GTF2F2: variants seen among roughly 807,000 people sequenced by gnomAD.
GTF2F2 encodes the protein ATP-dependent helicase GTF2F2.
In GTF2F2, 23 loss-of-function variants were observed where a neutral mutation model predicts 42.2. The observed-to-expected ratio is 0.55, with a 90% CI of 0.39 to 0.77. The LOEUF is 0.77. Among genes scored for constraint, GTF2F2 ranks in the 30% least tolerant of loss-of-function variants. The probability of loss-of-function intolerance (pLI) is 0.00; values close to 1 mark genes in which losing one functional copy is unlikely to be tolerated. For missense variants in GTF2F2, 261 were observed against 287.2 expected (o/e 0.91, Z 0.66); for synonymous variants, 105 against 100.8 (o/e 1.04, Z -0.25).
chr13:45,267,305 C>A lies in GTF2F2; in HGVS notation c.559C>A (p.Leu187Ile). 6.2e-7 allele frequency: 1 copy of A among 1,608,910 alleles called. No homozygotes were observed. Among genetic ancestry groups the A allele is most frequent in the Non-Finnish European group, 8.5e-7 (1 of 1,175,440 alleles). ...RADKQHVLDM[L>I]FSAFEKHQYY... The stretch of plus-strand genomic sequence containing the variant: ...TGATAAACAACATGTTTTAGACATG[C>A]TATTTTCAGCCTTTGAGAAACATCA... The change falls in exon 7 of 8, where the codon CTA becomes ATA. Residue 187 changes from leucine to isoleucine, a missense_variant. Coordinates refer to ENST00000340473, the MANE Select transcript of GTF2F2 (RefSeq NM_004128.3).
At chr13:45,257,991 GATA>G (rs1454921582) in intron 6 of GTF2F2, among the ~76,000 whole-genome samples, 13 of 152,072 alleles carry the variant, frequency 8.5e-5, no homozygotes, top group African/African-American at 3.1e-4. Flanking sequence ...GTCAATTAGA[GATA>G]ATACTAATAA....
At chr13:45,123,898 G>A (rs147372424) in intron 1 of GTF2F2, 2 of 326,082 alleles carry the variant, frequency 6.1e-6, no homozygotes, top group Non-Finnish European at 1.1e-5. Context: ...CATGGAAGCT[G>A]TGAGGAGGGG....
At chr13:45,245,294 ATT>A (rs563994849) in intron 5 of GTF2F2, among the ~76,000 whole-genome samples, 2 of 148,508 alleles carry the variant, frequency 1.3e-5, no homozygotes, top group African/African-American at 4.9e-5. Context: ...ATTCTTTAAA[ATT>A]TTTTTTTTTT....
At chr13:45,179,933 G>A (rs1283007052) in intron 4 of GTF2F2, among the ~76,000 whole-genome samples, 4 of 152,114 alleles carry the variant, frequency 2.6e-5, no homozygotes, top group Non-Finnish European at 5.9e-5. Context: ...AAGTTCCCAA[G>A]AGTTTCTTTT....
intron 4 of GTF2F2, chr13:45,206,366 T>C (rs1474495820): frequency 6.6e-6 from 1 of 152,220 alleles, no homozygotes; most frequent in Non-Finnish European, 1.5e-5. Flanking sequence ...CAGTGAACTG[T>C]ATGCTTCTTG....
chr13:45,194,617 A>T, intron 4 of GTF2F2: 1 of 1,507,508 alleles, frequency 6.6e-7, no homozygotes, highest in Non-Finnish European at 9.0e-7. Flanking sequence ...GAGATTTTTT[A>T]AAAAGAGACA....
chr13:45,156,928 A>C (rs747316292), intron 4 of GTF2F2, among the ~76,000 whole-genome samples: 1 of 152,188 alleles, frequency 6.6e-6, no homozygotes, highest in Non-Finnish European at 1.5e-5. Flanking sequence ...ATGCTTTAAC[A>C]AGCAAAGGCT....
At chr13:45,193,848 G>C (rs1294276589) in intron 4 of GTF2F2, 22 of 1,613,846 alleles carry the variant, frequency 1.4e-5, no homozygotes, top group Non-Finnish European at 1.9e-5. Context: ...AATCCAGGCT[G>C]GTCAGCAGTC....
intron 4 of GTF2F2, among the ~76,000 whole-genome samples, chr13:45,159,227 G>A (rs901332206): frequency 4.6e-5 from 7 of 152,162 alleles, no homozygotes; most frequent in Non-Finnish European, 7.4e-5. Context: ...ATATGACTAA[G>A]AACATACTAG....
At chr13:45,188,683 T>TA (rs1396451683) in intron 4 of GTF2F2, among the ~76,000 whole-genome samples, 1 of 152,194 alleles carries the variant, frequency 6.6e-6, no homozygotes, top group Non-Finnish European at 1.5e-5. Context: ...ATCTTGCTTA[T>TA]AATCATGTAA....
intron 5 of GTF2F2, among the ~76,000 whole-genome samples, chr13:45,233,125 G>T (rs1428221963): frequency 6.6e-6 from 1 of 152,164 alleles, no homozygotes. Flanking sequence ...AGTGGTACAT[G>T]CCTGTATTCT....
intron 4 of GTF2F2, among the ~76,000 whole-genome samples, chr13:45,189,886 A>C (rs762176953): frequency 3.3e-5 from 5 of 152,168 alleles, no homozygotes; most frequent in Admixed American, 1.3e-4. Context: ...TTGCAATACT[A>C]TTCAGGATGG....
At chr13:45,240,788 G>C (rs1009769491) in intron 5 of GTF2F2, among the ~76,000 whole-genome samples, 2 of 151,790 alleles carry the variant, frequency 1.3e-5, no homozygotes, top group Admixed American at 6.6e-5. Flanking sequence ...AGATCGCACC[G>C]TTGTACTCCA....
At chr13:45,276,731 G>A (rs905836703) in intron 7 of GTF2F2, among the ~76,000 whole-genome samples, 4 of 152,116 alleles carry the variant, frequency 2.6e-5, no homozygotes, top group Non-Finnish European at 4.4e-5. Context: ...ATGAGCCACC[G>A]CGCCCGGCCT....
At chr13:45,183,961 T>G (rs1434655376) in intron 4 of GTF2F2, among the ~76,000 whole-genome samples, 1 of 151,952 alleles carries the variant, frequency 6.6e-6, no homozygotes, top group Non-Finnish European at 1.5e-5. Context: ...GCTCAAGCAG[T>G]TGTCCTGCCT....
chr13:45,283,392 G>C lies in GTF2F2; in HGVS notation c.631-50G>C, dbSNP rs1368354876. 3.3e-6 allele frequency: 5 copies of C among 1,532,732 alleles called. No homozygotes were observed. The African/African-American group carries it at 4.2e-5, about 13-fold the overall frequency. 94.9% of individuals were successfully genotyped at this position (1,532,732 alleles called of 1,614,324 possible). On this transcript the variant is annotated intron_variant, in intron 7 of 7. Transcript: ENST00000340473. ...GGCATATCATCTTATTTTAAGTTTT[G>C]TCCCCTGCATTTATAATCTCATTTG...
intron 6 of GTF2F2, among the ~76,000 whole-genome samples, chr13:45,261,087 C>G (rs564567747): frequency 6.6e-6 from 1 of 152,048 alleles, no homozygotes; most frequent in South Asian, 2.1e-4. Flanking sequence ...GATTGCGCCA[C>G]TGCACTCCAG....
intron 5 of GTF2F2, among the ~76,000 whole-genome samples, chr13:45,211,574 C>CA (rs35664009): frequency 1.5e-3 from 209 of 135,374 alleles, no homozygotes; most frequent in African/African-American, 3.6e-3. Context: ...TGGCCAAGCT[C>CA]AAAAAAAAAA....
chr13:45,207,342 A>G (rs1331114169), intron 4 of GTF2F2, 82 bp from the exon 5 acceptor site: 9 of 765,834 alleles, frequency 1.2e-5, no homozygotes, highest in African/African-American at 5.2e-5. Context: ...TTTGATTGTC[A>G]TATTACTGTG....
Sources: allele counts gnomAD v4.1 joint callset (sites outside exome capture counted in the v4.1 genomes callset), GRCh38; gene constraint gnomAD v4.1.1; transcripts MANE v1.5; gene names NCBI Gene and HGNC (gene_info 2026-07-23, HGNC 2026-07-21).